The following SLC8A1 variants were observed in gnomAD, a reference collection of about 807,000 sequenced individuals.
SLC8A1 encodes the protein solute carrier family 8 member A1, also known as sodium/calcium exchanger 1.
A neutral mutation model predicts 68.3 loss-of-function variants in SLC8A1; 18 were observed. The ratio of observed to expected loss-of-function variants is 0.26; its 90% CI spans 0.18 to 0.39. The LOEUF is 0.39. SLC8A1 is among the 10% of genes least tolerant of loss of function. The pLI, the probability that SLC8A1 is intolerant of heterozygous loss-of-function variation, is 1.00. For missense variants in SLC8A1, 985 were observed against 1,156.7 expected, an observed-to-expected ratio of 0.85 and a Z score of 2.15; for synonymous variants, 475 against 415.5, an observed-to-expected ratio of 1.14 and a Z score of -1.74.
At chr2:40,386,898 T>A (rs1683738146) in intron 2 of SLC8A1, among the ~76,000 whole-genome samples, 1 of 151,302 alleles carries the variant, frequency 6.6e-6, no homozygotes, top group Non-Finnish European at 1.5e-5. Context: ...TTGTCTATCT[T>A]CAGTATGTGG....
At chr2:40,216,455 A>G (rs1010023111) in intron 2 of SLC8A1, among the ~76,000 whole-genome samples, 22 of 152,328 alleles carry the variant, frequency 1.4e-4, no homozygotes, top group African/African-American at 5.3e-4. Flanking sequence ...TAGTACTTCA[A>G]TAAACATACA....
chr2:40,327,582 TA>T (rs71406057), intron 2 of SLC8A1, among the ~76,000 whole-genome samples: 120 of 151,212 alleles, frequency 7.9e-4, no homozygotes, highest in African/African-American at 1.7e-3. Flanking sequence ...TATGCAACCA[TA>T]AAAAAAAACA....
intron 1 of SLC8A1, among the ~76,000 whole-genome samples, chr2:40,503,946 A>G (rs1385970953): frequency 6.6e-6 from 1 of 152,034 alleles, no homozygotes; most frequent in Non-Finnish European, 1.5e-5. Context: ...ACTGAAATAG[A>G]AAAAATAGTC....
chr2:40,333,007 C>T (rs1366344478), intron 2 of SLC8A1, among the ~76,000 whole-genome samples: 1 of 152,176 alleles, frequency 6.6e-6, no homozygotes, highest in Admixed American at 6.5e-5. Flanking sequence ...GTAGCTTTCT[C>T]TTCCTTAGTC....
At chr2:40,299,992 G>A (rs553935541) in intron 2 of SLC8A1, among the ~76,000 whole-genome samples, 14 of 152,140 alleles carry the variant, frequency 9.2e-5, no homozygotes, top group East Asian at 5.8e-4. Context: ...AAGGAATTGC[G>A]CATACAGCAC....
At chr2:40,098,656 T>G (rs1160946169) in exon 8 of SLC8A1, 1 of 152,042 alleles carries the variant, frequency 6.6e-6, no homozygotes, top group Non-Finnish European at 1.5e-5. Flanking sequence ...TAGGAAAGAT[T>G]GATAAATTTA....
chr2:40,421,844 C>A (rs1244153691), intron 2 of SLC8A1, among the ~76,000 whole-genome samples: 1 of 152,128 alleles, frequency 6.6e-6, no homozygotes, highest in Non-Finnish European at 1.5e-5. Context: ...AAGAAAGGGC[C>A]CTGGCTTGGC....
rs1245629023 is a variant in SLC8A1, at chr2:40,251,175, A to T, written c.1809-73320T>A. On this transcript the variant is annotated intron_variant, in intron 2 of 7. Coordinates refer to ENST00000406785, the Ensembl canonical transcript of SLC8A1. ...TGAAAATGATTCTCTTTTTTGAATT[A>T]AAAAAAAAATCAATAGAAATAATTC... The T allele has an allele frequency of 1.3e-5, 2 of 149,158 alleles. 1 individual carries two copies. Among genetic ancestry groups the T allele is most frequent in the South Asian group, 4.2e-4 (2 of 4,744 alleles). 9.2% of individuals were successfully genotyped at this position (149,158 alleles called of 1,614,324 possible). A position where few individuals can be genotyped will look rare whatever the true frequency, so the allele number is the denominator to read the frequency against.
exon 7 of SLC8A1, chr2:40,139,646 T>G (rs775508694): frequency 2.5e-6 from 4 of 1,613,864 alleles, no homozygotes; most frequent in African/African-American, 2.7e-5. Flanking sequence ...CAGCTTCTCT[T>G]CCCCACATTC....
At chr2:40,365,300 A>G (rs992266298) in intron 2 of SLC8A1, among the ~76,000 whole-genome samples, 1 of 152,028 alleles carries the variant, frequency 6.6e-6, no homozygotes, top group Non-Finnish European at 1.5e-5. Context: ...ATACATTGAC[A>G]TATCATATTT....
At chr2:40,360,286 C>G (rs951100042) in intron 2 of SLC8A1, among the ~76,000 whole-genome samples, 3 of 152,138 alleles carry the variant, frequency 2.0e-5, no homozygotes, top group African/African-American at 4.8e-5. Flanking sequence ...GAGCCAAGTG[C>G]CAACCTTGCT....
intron 2 of SLC8A1, among the ~76,000 whole-genome samples, chr2:40,375,997 T>C (rs2149527345): frequency 6.6e-6 from 1 of 151,954 alleles, no homozygotes; most frequent in South Asian, 2.1e-4. Flanking sequence ...CAAGACCCTG[T>C]CTCAAAATAA....
At chr2:40,232,812 T>C (rs1174076029) in intron 2 of SLC8A1, among the ~76,000 whole-genome samples, 18 of 132,860 alleles carry the variant, frequency 1.4e-4, no homozygotes, top group African/African-American at 2.9e-4. Context: ...TGTGATCTCA[T>C]TGTTCAATTC....
intron 1 of SLC8A1, among the ~76,000 whole-genome samples, chr2:40,438,269 A>G (rs1487512659): frequency 6.6e-6 from 1 of 152,166 alleles, no homozygotes; most frequent in Non-Finnish European, 1.5e-5. Context: ...TTGACCTTAA[A>G]CACTGAAAAA....
intron 2 of SLC8A1, among the ~76,000 whole-genome samples, chr2:40,318,510 TA>T (rs2074773097): frequency 1.3e-5 from 2 of 152,088 alleles, no homozygotes; most frequent in African/African-American, 4.8e-5. Flanking sequence ...AAAAAAACTT[TA>T]TAACATTTCC....
intron 2 of SLC8A1, among the ~76,000 whole-genome samples, chr2:40,418,616 A>T (rs1164888460): frequency 2.6e-5 from 4 of 152,232 alleles, no homozygotes; most frequent in Non-Finnish European, 1.5e-5. Context: ...TACCATTTAG[A>T]GAAAGGACTC....
intron 2 of SLC8A1, among the ~76,000 whole-genome samples, chr2:40,376,965 C>T (rs1680101629): frequency 6.6e-6 from 1 of 152,046 alleles, no homozygotes; most frequent in Non-Finnish European, 1.5e-5. Context: ...ATATAATTCT[C>T]TTCTCTTGAG....
chr2:40,404,302 A>C (rs1689663972), intron 2 of SLC8A1, among the ~76,000 whole-genome samples: 1 of 152,226 alleles, frequency 6.6e-6, no homozygotes, highest in South Asian at 2.1e-4. Context: ...GTGTATGCCT[A>C]TGATGGTCAA....
chr2:40,239,776 T>G (rs1362987708), intron 2 of SLC8A1, among the ~76,000 whole-genome samples: 1 of 152,232 alleles, frequency 6.6e-6, no homozygotes, highest in Non-Finnish European at 1.5e-5. Context: ...CATTCCCCAC[T>G]TACATTGTTA....
Sources: gnomAD v4.1 joint callset for allele counts (sites outside exome capture counted in the v4.1 genomes callset) on GRCh38, gnomAD v4.1.1 for gene constraint, MANE v1.5 for transcripts, NCBI Gene and HGNC (gene_info 2026-07-23, HGNC 2026-07-21) for gene names.